The following CDH13 variants were observed in gnomAD, a reference collection of about 807,000 sequenced individuals.
CDH13 encodes the protein cadherin-13.
CDH13 carries 24 observed loss-of-function variants against 63.8 expected under a neutral mutation model. That is an observed-to-expected ratio of 0.38 (90% CI 0.27 to 0.53). The LOEUF is 0.53. Ranked by LOEUF, CDH13 falls within the 20% of genes least tolerant of loss-of-function variation. The pLI is 0.85. For synonymous variants in CDH13, 503 were observed against 355.3 expected (o/e 1.42, Z -4.67); for missense variants, 1,049 against 903.1 (o/e 1.16, Z -2.07).
intron 10 of CDH13, among the ~76,000 whole-genome samples, chr16:83,709,417 T>C (rs777107450): frequency 6.6e-6 from 1 of 152,198 alleles, no homozygotes; most frequent in South Asian, 2.1e-4. Flanking sequence ...ATCAGTACGG[T>C]CCATTCAGCA....
intron 8 of CDH13, among the ~76,000 whole-genome samples, chr16:83,651,600 T>C (rs919186349): frequency 7.1e-6 from 1 of 141,048 alleles, no homozygotes; most frequent in Non-Finnish European, 1.5e-5. Flanking sequence ...TTTTTTTTTT[T>C]TTTTTTTTTT....
At chr16:83,309,015 C>T (rs1373192638) in intron 5 of CDH13, among the ~76,000 whole-genome samples, 1 of 152,200 alleles carries the variant, frequency 6.6e-6, no homozygotes, top group African/African-American at 2.4e-5. Flanking sequence ...TGTCCTAAAT[C>T]ATTCCCTTGT....
chr16:83,086,763 T>C (rs2033621885), intron 3 of CDH13, among the ~76,000 whole-genome samples: 1 of 151,998 alleles, frequency 6.6e-6, no homozygotes, highest in African/African-American at 2.4e-5. Context: ...GCACACAAAA[T>C]AAAACAAGCA....
At position 82,975,165 on chromosome 16, in the gene CDH13, T is replaced by A. The variant is rs1188742634; in HGVS notation, c.158-56845T>A. ...TTCCAATAAAGTAGGGTGGTTGAGG[T>A]GAGATGGGGGATGGCCTTGGGGCCC... On this transcript the variant is annotated intron_variant, in intron 2 of 13. Transcript: ENST00000567109. Among the ~76,000 whole-genome samples, 6 of 152,204 alleles carry A rather than the reference T, an allele frequency of 3.9e-5. No individual in the cohort carries two copies. In the East Asian group the frequency reaches 1.2e-3, roughly 29 times the overall value.
chr16:83,501,254 G>T (rs1195412455), intron 7 of CDH13, among the ~76,000 whole-genome samples: 1 of 152,186 alleles, frequency 6.6e-6, no homozygotes, highest in African/African-American at 2.4e-5. Flanking sequence ...CTATAGAAAT[G>T]ACCATTGAAA....
At chr16:82,814,190 G>T (rs10871436) in intron 1 of CDH13, among the ~76,000 whole-genome samples, 1 of 152,148 alleles carries the variant, frequency 6.6e-6, no homozygotes, top group African/African-American at 2.4e-5. Context: ...GTTCCTGGCA[G>T]ACAGCATCTA....
At chr16:83,433,467 C>T (rs1567669501) in intron 6 of CDH13, among the ~76,000 whole-genome samples, 1 of 152,162 alleles carries the variant, frequency 6.6e-6, no homozygotes, top group Non-Finnish European at 1.5e-5. Flanking sequence ...GCGGATAAAC[C>T]ACAATGACCC....
At chr16:83,105,824 C>G (rs563228735) in intron 3 of CDH13, among the ~76,000 whole-genome samples, 2 of 152,242 alleles carry the variant, frequency 1.3e-5, no homozygotes, top group South Asian at 2.1e-4. Context: ...CTGTGTGTAT[C>G]TGTGTTATCA....
At chr16:82,896,309 T>TTTTTTTTTG (rs1597162294) in intron 2 of CDH13, among the ~76,000 whole-genome samples, 1 of 105,354 alleles carries the variant, frequency 9.5e-6, no homozygotes, top group African/African-American at 3.3e-5. Context: ...TTTTTTTTTT[T>TTTTTTTTTG]GAAACAAGGT....
At chr16:83,536,308 G>A (rs1050829464) in intron 7 of CDH13, among the ~76,000 whole-genome samples, 3 of 152,222 alleles carry the variant, frequency 2.0e-5, no homozygotes, top group African/African-American at 7.2e-5. Context: ...AGAGGGGGAA[G>A]ACCATGTTGC....
intron 12 of CDH13, among the ~76,000 whole-genome samples, chr16:83,782,788 C>T (rs1284892549): frequency 6.6e-6 from 1 of 151,572 alleles, no homozygotes; most frequent in Non-Finnish European, 1.5e-5. Flanking sequence ...TAGAACCCAT[C>T]TCCATGATAA....
rs149781230 is a variant in CDH13, at chr16:83,252,107, T to TACACACAC, written c.636+34626_636+34633dup. 8.3e-3 allele frequency among the ~76,000 whole-genome samples: 1,126 copies of TACACACAC among 135,886 alleles called. 12 individuals carry two copies. The highest frequency in any genetic ancestry group is 0.021 in the South Asian group (93 of 4,332). The allele number at this position is 135,886 out of a possible 152,430, so 89.1% of individuals were successfully genotyped here. ...TATGTATATATGTATATATATATTA[T>TACACACAC]ACACACACACACACACACACACATA... On this transcript the variant is annotated intron_variant, in intron 5 of 13. Transcript: ENST00000567109.
intron 1 of CDH13, among the ~76,000 whole-genome samples, chr16:82,852,864 T>C (rs2039549569): frequency 6.6e-6 from 1 of 152,156 alleles, no homozygotes; most frequent in African/African-American, 2.4e-5. Context: ...CCATCCCTTA[T>C]GCTGCCAGTT....
intron 8 of CDH13, among the ~76,000 whole-genome samples, chr16:83,670,452 G>T (rs1914399282): frequency 6.6e-6 from 1 of 152,148 alleles, no homozygotes; most frequent in South Asian, 2.1e-4. Flanking sequence ...CTGCTTCCCT[G>T]GGGTTTTGTG....
intron 7 of CDH13, among the ~76,000 whole-genome samples, chr16:83,488,947 G>A (rs2073952357): frequency 6.6e-6 from 1 of 152,034 alleles, no homozygotes; most frequent in Non-Finnish European, 1.5e-5. Flanking sequence ...TTTTATGACT[G>A]ACATATTTTC....
At chr16:83,720,496 T>C (rs1274355334) in intron 10 of CDH13, among the ~76,000 whole-genome samples, 2 of 152,008 alleles carry the variant, frequency 1.3e-5, no homozygotes, top group East Asian at 3.9e-4. Flanking sequence ...ATAATCCTGC[T>C]CTTTGGGAGG....
chr16:83,744,810 C>T (rs1294783685), intron 10 of CDH13, among the ~76,000 whole-genome samples: 1 of 152,210 alleles, frequency 6.6e-6, no homozygotes, highest in African/African-American at 2.4e-5. Context: ...GAAGTAGAAA[C>T]ACAGAGAAGT....
At chr16:83,048,950 A>C (rs778214121) in intron 3 of CDH13, among the ~76,000 whole-genome samples, 12 of 152,130 alleles carry the variant, frequency 7.9e-5, no homozygotes, top group South Asian at 4.1e-4. Context: ...TAATACTCCG[A>C]AATGGAGCTC....
At chr16:82,893,333 T>G (rs2041146494) in intron 2 of CDH13, among the ~76,000 whole-genome samples, 1 of 151,432 alleles carries the variant, frequency 6.6e-6, no homozygotes, top group Non-Finnish European at 1.5e-5. Context: ...ACTTTTAATA[T>G]GGCCTAAGCC....
Sources: allele counts gnomAD v4.1 joint callset (sites outside exome capture counted in the v4.1 genomes callset), GRCh38; gene constraint gnomAD v4.1.1; transcripts MANE v1.5; gene names NCBI Gene and HGNC (gene_info 2026-07-23, HGNC 2026-07-21).